The following HSPA4L variants were observed in gnomAD, a reference collection of about 807,000 sequenced individuals.
HSPA4L encodes the protein heat shock protein family A (Hsp70) member 4 like, also known as heat shock 70 kDa protein 4L.
HSPA4L carries 48 observed loss-of-function variants against 100.3 expected under a neutral mutation model. The ratio of observed to expected loss-of-function variants is 0.48; its 90% CI spans 0.38 to 0.61. HSPA4L has a LOEUF of 0.61. Among genes scored for constraint, HSPA4L ranks in the 20% least tolerant of loss-of-function variants. The pLI is 0.00. For missense variants in HSPA4L, 886 were observed against 988.6 expected (o/e 0.90, Z 1.39); for synonymous variants, 319 against 328.2 (o/e 0.97, Z 0.30).
chr4:127,794,258 T>C, intron 2 of HSPA4L, 124 bp downstream of exon 2: 1 of 596,004 alleles, frequency 1.7e-6, no homozygotes, highest in Admixed American at 3.0e-5. Flanking sequence ...AGGTACTACA[T>C]CTTTGTTTTG....
At position 127,798,711 on chromosome 4, in the gene HSPA4L, T is replaced by G. The variant is rs1403264456; in HGVS notation, c.429+2T>G. ...CCAGTGGCTGACTGTGTGATTTCAG[T>G]AAGTTTTACTTCAGTAATGAATACC... On this transcript the variant is annotated splice_donor_variant, in intron 4 of 18. Coordinates refer to ENST00000296464, the MANE Select transcript of HSPA4L (RefSeq NM_014278.4). LOFTEE classifies it high-confidence loss of function. 6.2e-7 allele frequency: 1 copy of G among 1,613,176 alleles called. No homozygotes were observed. The highest frequency in any genetic ancestry group is 1.1e-5 in the South Asian group (1 of 91,040).
chr4:127,800,839 A>T (rs1242525477), intron 4 of HSPA4L, among the ~76,000 whole-genome samples: 2 of 152,132 alleles, frequency 1.3e-5, no homozygotes, highest in Non-Finnish European at 2.9e-5. Context: ...GTTTTTTATT[A>T]TGAAAGATGA....
In HSPA4L at chr4:127,808,024, C is replaced by T. The variant is rs139612462; in HGVS notation, c.1273C>T (p.Pro425Ser). 3.8e-5 allele frequency: 61 copies of T among 1,612,318 alleles called. No homozygotes were observed. The African/African-American group carries it at 7.6e-4, about 20-fold the overall frequency. ...GECEVFCKNHPAPFSKVITFH... is the reference protein window; with the variant it reads ...GECEVFCKNHSAPFSKVITFH... ...ATGTGAAGTTTTCTGTAAGAACCAT[C>T]CTGCCCCATTCTCAAAAGTCATTAC... is the stretch of plus-strand genomic sequence containing the variant. Residue 425 changes from proline to serine, a missense_variant, in exon 11 of 19, where the codon CCT (proline) becomes TCT (serine). Coordinates refer to ENST00000296464, the MANE Select transcript of HSPA4L (RefSeq NM_014278.4).
In HSPA4L at chr4:127,795,862, T is replaced by G; in HGVS notation, c.260T>G (p.Leu87Arg). Residue 87 changes from leucine (L) to arginine (R), a missense_variant, in exon 3 of 19, where the codon CTT becomes CGT. Leu to Arg is a moderately radical substitution (Grantham distance 102). Coordinates refer to ENST00000296464, the MANE Select transcript of HSPA4L (RefSeq NM_014278.4). ...DPIVQTERIR[L>R]PYELQKMPNG... ...ATTGTGCAAACTGAAAGGATCAGGC[T>G]TCCCTATGAACTGCAGAAAATGCCT... 1 of 1,613,766 alleles carries G rather than the reference T, an allele frequency of 6.2e-7. No homozygotes were observed. Among genetic ancestry groups the G allele is most frequent in the East Asian group, 2.2e-5 (1 of 44,852 alleles).
chr4:127,782,319 C>A (rs973653845), upstream of HSPA4L: 47 of 518,938 alleles, frequency 9.1e-5, no homozygotes, highest in African/African-American at 9.6e-4. Context: ...GCGGCCGAAC[C>A]GCAGTAGGGA....
At chr4:127,783,049 A>C (rs889318422) in intron 1 of HSPA4L, among the ~76,000 whole-genome samples, 1 of 152,116 alleles carries the variant, frequency 6.6e-6, no homozygotes, top group Non-Finnish European at 1.5e-5. Context: ...ACGTGGGATT[A>C]TCGGCCCCGC....
chr4:127,817,857 T>C (rs1467561100), intron 12 of HSPA4L, among the ~76,000 whole-genome samples: 2 of 152,204 alleles, frequency 1.3e-5, no homozygotes, highest in African/African-American at 4.8e-5. Flanking sequence ...TTTTATTTAT[T>C]TTTATTATAC....
At position 127,795,767 on chromosome 4, in the gene HSPA4L, G is replaced by C. The variant is rs1278224195; in HGVS notation, c.166-1G>C. The C allele has an allele frequency of 6.2e-7, 1 of 1,613,246 alleles. No homozygotes were observed. Among genetic ancestry groups the C allele is most frequent in the Non-Finnish European group, 8.5e-7 (1 of 1,179,414 alleles). On this transcript the variant is annotated splice_acceptor_variant, in intron 2 of 18. Transcript: ENST00000296464. LOFTEE classifies it high-confidence loss of function. The stretch of plus-strand genomic sequence containing the variant: ...TAAATACAAGTGTTTACTGCCAACA[G>C]ATAGTCACGAACGTAAGAAATACAA...
intron 18 of HSPA4L, among the ~76,000 whole-genome samples, chr4:127,832,016 T>TC (rs1294105531): frequency 2.6e-4 from 40 of 151,638 alleles, no homozygotes; most frequent in Non-Finnish European, 4.4e-4. Flanking sequence ...ACTAAAACAT[T>TC]CCCCTTAAGA....
intron 11 of HSPA4L, among the ~76,000 whole-genome samples, chr4:127,811,037 G>T (rs1291555550): frequency 6.6e-6 from 1 of 152,106 alleles, no homozygotes; most frequent in Non-Finnish European, 1.5e-5. Flanking sequence ...AGATGGTTAT[G>T]ATTTGTAAAG....
rs1282876973 is a variant in HSPA4L, at chr4:127,837,603, C to G, written c.*4729C>G. On this transcript the variant is annotated 3_prime_UTR_variant, in exon 19 of 19. Coordinates refer to ENST00000296464, the MANE Select transcript of HSPA4L (RefSeq NM_014278.4). ...AAAGATGGCAGGTTTAACATTATAC[C>G]TTTTGGTTTTTGCCCAACATTTGAT... is the stretch of plus-strand genomic sequence containing the variant. The G allele has an allele frequency of 6.6e-6, 1 of 152,008 alleles. No individual in the cohort carries two copies. The highest frequency in any genetic ancestry group is 1.5e-5 in the Non-Finnish European group (1 of 68,012). 9.4% of individuals were successfully genotyped at this position (152,008 alleles called of 1,614,324 possible). A position where few individuals can be genotyped will look rare whatever the true frequency, so the allele number is the denominator to read the frequency against.
chr4:127,817,357 A>C (rs1733694540), intron 12 of HSPA4L, among the ~76,000 whole-genome samples: 1 of 152,188 alleles, frequency 6.6e-6, no homozygotes, highest in South Asian at 2.1e-4. Flanking sequence ...ACAAAAAAAA[A>C]AAATTAGCTC....
At chr4:127,789,064 C>G (rs1042115259) in intron 1 of HSPA4L, among the ~76,000 whole-genome samples, 8 of 152,244 alleles carry the variant, frequency 5.3e-5, no homozygotes, top group South Asian at 4.1e-4. Context: ...AGCTTTTAGG[C>G]AACAAATCTC....
chr4:127,840,465 T>C lies in HSPA4L; in HGVS notation c.*7591T>C, dbSNP rs527867319. ...TGAGATTCACATGTAATAGACCCTTTAGCTTTAATGAGCAGACATGAGAAT... is the reference window on the plus strand; with the variant it reads ...TGAGATTCACATGTAATAGACCCTTCAGCTTTAATGAGCAGACATGAGAAT... On this transcript the variant is annotated 3_prime_UTR_variant, in exon 19 of 19. Transcript: ENST00000296464. 6.6e-6 allele frequency: 1 copy of C among 152,354 alleles called. No individual in the cohort carries two copies. The highest frequency in any genetic ancestry group is 1.9e-4 in the East Asian group (1 of 5,192). The allele number at this position is 152,354 out of a possible 1,614,324, so 9.4% of individuals were successfully genotyped here.
chr4:127,824,968 C>G (rs1346039777), intron 16 of HSPA4L, among the ~76,000 whole-genome samples: 1 of 151,952 alleles, frequency 6.6e-6, no homozygotes, highest in Non-Finnish European at 1.5e-5. Context: ...AACCCTGTCT[C>G]TACTAAAAAA....
Position 127,837,539 on chromosome 4 carries a change from T to C in HSPA4L, c.*4665T>C, listed in dbSNP as rs546637414. The C allele has an allele frequency of 6.6e-6, 1 of 152,322 alleles. No individual in the cohort carries two copies. The highest frequency in any genetic ancestry group is 2.1e-4 in the South Asian group (1 of 4,828). The allele number at this position is 152,322 out of a possible 1,614,324, so 9.4% of individuals were successfully genotyped here. A position where few individuals can be genotyped will look rare whatever the true frequency, so the allele number is the denominator to read the frequency against. On this transcript the variant is annotated 3_prime_UTR_variant, in exon 19 of 19. Coordinates refer to ENST00000296464, the MANE Select transcript of HSPA4L (RefSeq NM_014278.4). Reference sequence around the variant, plus strand: ...ATCAGTCCACTTAGCAAACTAATCTTTGTAAAGCAGTCAGTTTCAGAAGAT... The same window carrying C: ...ATCAGTCCACTTAGCAAACTAATCTCTGTAAAGCAGTCAGTTTCAGAAGAT...
At chr4:127,790,263 G>A (rs1168377217) in intron 1 of HSPA4L, among the ~76,000 whole-genome samples, 1 of 152,164 alleles carries the variant, frequency 6.6e-6, no homozygotes. Flanking sequence ...AGTGATGGTA[G>A]CCTAGTATTG....
At chr4:127,832,329 G>A (rs1033623291) in intron 18 of HSPA4L, among the ~76,000 whole-genome samples, 6 of 152,022 alleles carry the variant, frequency 3.9e-5, no homozygotes, top group African/African-American at 1.2e-4. Context: ...TTATGAAATA[G>A]GTGTTATTTG....
chr4:127,799,907 C>T (rs1733128561), intron 4 of HSPA4L, among the ~76,000 whole-genome samples: 1 of 152,104 alleles, frequency 6.6e-6, no homozygotes, highest in South Asian at 2.1e-4. Context: ...AATACCAAAT[C>T]AGCAAAATTT....
Sources: allele counts gnomAD v4.1 joint callset (sites outside exome capture counted in the v4.1 genomes callset), GRCh38; gene constraint gnomAD v4.1.1; transcripts MANE v1.5; gene names NCBI Gene and HGNC (gene_info 2026-07-23, HGNC 2026-07-21).